STEAP3: variants seen among roughly 807,000 people sequenced by gnomAD.
STEAP3 encodes the protein STEAP3 metalloreductase, also known as metalloreductase STEAP3.
In STEAP3, 35 loss-of-function variants were observed where a neutral mutation model predicts 34.9. The observed-to-expected ratio is 1.00, with a 90% CI of 0.76 to 1.33. The LOEUF (loss-of-function observed/expected upper bound fraction) is 1.33, where lower values mean the gene tolerates loss of function less well. Among genes scored for constraint, STEAP3 ranks in the 40% most tolerant of loss-of-function variants. The pLI is 0.00. For synonymous variants in STEAP3, 281 were observed against 301.6 expected (o/e 0.93, Z 0.71); for missense variants, 652 against 667.6 (o/e 0.98, Z 0.26).
intron 2 of STEAP3, among the ~76,000 whole-genome samples, chr2:119,237,865 T>C (rs1433205826): frequency 1.3e-5 from 2 of 152,248 alleles, no homozygotes; most frequent in Non-Finnish European, 2.9e-5. Context: ...TGGCCACCAC[T>C]AATCTACTTT....
chr2:119,238,120 A>G (rs1352402125), intron 2 of STEAP3, among the ~76,000 whole-genome samples: 1 of 152,190 alleles, frequency 6.6e-6, no homozygotes, highest in Non-Finnish European at 1.5e-5. Context: ...TAATGGGTGA[A>G]AATGTTTTTG....
intron 5 of STEAP3, among the ~76,000 whole-genome samples, chr2:119,260,423 T>A (rs1677909754): frequency 1.3e-5 from 2 of 151,930 alleles, no homozygotes; most frequent in African/African-American, 4.8e-5. Flanking sequence ...AGCGAGTAGC[T>A]GGGATTACAG....
In STEAP3 at chr2:119,225,461, C is replaced by T. The variant is rs373106193; in HGVS notation, c.-394+1573C>T. Among the ~76,000 whole-genome samples the T allele has an allele frequency of 4.1e-4, 63 of 152,358 alleles. No homozygotes were observed. The East Asian group carries it at 8.1e-3, about 20-fold the overall frequency. ...CTTGTCCACCTGGGGGTTGAACAGC[C>T]TGCCCCAGGTTTGCTGAGGTCCCCA... On this transcript the variant is annotated intron_variant, in intron 1 of 5. Coordinates refer to ENST00000393110, the MANE Select transcript of STEAP3 (RefSeq NM_182915.3).
chr2:119,241,794 A>G (rs1280615579), intron 2 of STEAP3, among the ~76,000 whole-genome samples: 1 of 152,176 alleles, frequency 6.6e-6, no homozygotes, highest in African/African-American at 2.4e-5. Context: ...ATCCCTTCCC[A>G]CCTGTGATTA....
chr2:119,234,706 T>C (rs920005686), intron 2 of STEAP3, among the ~76,000 whole-genome samples: 1 of 152,222 alleles, frequency 6.6e-6, no homozygotes, highest in Non-Finnish European at 1.5e-5. Flanking sequence ...TGCATAGAAC[T>C]GCACAGACTG....
intron 2 of STEAP3, 133 bp downstream of exon 2, chr2:119,231,167 A>T: frequency 7.7e-6 from 9 of 1,169,008 alleles, no homozygotes; most frequent in Non-Finnish European, 1.0e-5. Flanking sequence ...GAGGAACTCG[A>T]CACCTCCCAG....
intron 2 of STEAP3, 132 bp downstream of exon 2, chr2:119,231,166 G>C: frequency 1.7e-6 from 2 of 1,171,656 alleles, no homozygotes; most frequent in Non-Finnish European, 2.5e-6. Context: ...CGAGGAACTC[G>C]ACACCTCCCA....
intron 1 of STEAP3, among the ~76,000 whole-genome samples, chr2:119,224,382 G>A (rs1558738618): frequency 6.6e-6 from 1 of 152,216 alleles, no homozygotes; most frequent in Non-Finnish European, 1.5e-5. Flanking sequence ...GCTGGGCAGG[G>A]GCGCCCGACC....
At chr2:119,255,682 C>T (rs1468300977) in intron 5 of STEAP3, among the ~76,000 whole-genome samples, 4 of 151,316 alleles carry the variant, frequency 2.6e-5, no homozygotes, top group Non-Finnish European at 4.4e-5. Context: ...TGAGCTTGAG[C>T]GATTCTTCCA....
chr2:119,248,112 GCTT>G lies in STEAP3; in HGVS notation c.962_964del (p.Phe321del). On this transcript the variant is annotated inframe_deletion, in exon 4 of 6. Transcript: ENST00000393110. ...CACCGCAAGCAGATCGGGCTGCTCA[GCTT>G]CTTCTGCGCCGCCCTGCACGCCCTC... The G allele has an allele frequency of 2.5e-6, 4 of 1,608,700 alleles. No individual in the cohort carries two copies. Among genetic ancestry groups the G allele is most frequent in the South Asian group, 1.1e-5 (1 of 91,076 alleles).
chr2:119,227,323 A>T (rs1015935034), intron 1 of STEAP3, among the ~76,000 whole-genome samples: 9 of 152,196 alleles, frequency 5.9e-5, no homozygotes, highest in Non-Finnish European at 1.3e-4. Flanking sequence ...TTGTCACTTC[A>T]ACCCAGGGGC....
In STEAP3 at chr2:119,254,768, G is replaced by C; in HGVS notation, c.1135G>C (p.Gly379Arg). The change falls in exon 5 of 6, where the codon GGC becomes CGC. Residue 379 changes from glycine (G) to arginine (R), a missense_variant. Gly to Arg is a moderately radical substitution (Grantham distance 125). Transcript: ENST00000393110. Reference protein sequence around the residue: ...IYLSLGVLALGTLSLLAVTSL... With the variant: ...IYLSLGVLALRTLSLLAVTSL... ...CCTCTCCCTGGGAGTGCTGGCCCTC[G>C]GCACGTTGTCCCTGCTGGCCGTGAC... 1 of 1,614,142 alleles carries C rather than the reference G, an allele frequency of 6.2e-7. No individual in the cohort carries two copies.
intron 5 of STEAP3, chr2:119,257,490 A>G: frequency 3.2e-6 from 5 of 1,541,556 alleles, no homozygotes; most frequent in Non-Finnish European, 4.4e-6. Flanking sequence ...AAACACAGGC[A>G]GTGGAACCCG....
chr2:119,245,363 C>G, intron 2 of STEAP3, 126 bp from the exon 3 acceptor site: 2 of 1,375,304 alleles, frequency 1.5e-6, no homozygotes, highest in Non-Finnish European at 2.0e-6. Flanking sequence ...CACGTGGTAG[C>G]ACTCGGTGAA....
chr2:119,253,898 C>G (rs780972379), intron 4 of STEAP3, among the ~76,000 whole-genome samples: 2 of 152,158 alleles, frequency 1.3e-5, no homozygotes, highest in Non-Finnish European at 2.9e-5. Context: ...GCCTGGCACA[C>G]AGTAGGTGCT....
At chr2:119,248,279 C>G in intron 4 of STEAP3, 73 bp downstream of exon 4, 1 of 1,484,854 alleles carries the variant, frequency 6.7e-7, no homozygotes. Flanking sequence ...CCCCCACCAA[C>G]CAGGTGCAGC....
rs879218768 is a variant in STEAP3, at chr2:119,245,968, C to T, written c.502C>T (p.Pro168Ser). 6.2e-7 allele frequency: 1 copy of T among 1,612,852 alleles called. No individual in the cohort carries two copies. Among genetic ancestry groups the T allele is most frequent in the South Asian group, 1.1e-5 (1 of 91,062 alleles). The change falls in exon 3 of 6, where the codon CCA (proline) becomes TCA (serine). Residue 168 changes from proline (P) to serine (S), a missense_variant. Transcript: ENST00000393110. The stretch of plus-strand genomic sequence containing the variant: ...CTCTGCCTGGACCCTGCAGGCTGGC[C>T]CAAGGGATGGTAACAGGCAGGTAGG... ...VISAWTLQAG[P>S]RDGNRQVPIC...
At chr2:119,258,619 T>A (rs1677845984) in intron 5 of STEAP3, among the ~76,000 whole-genome samples, 1 of 109,686 alleles carries the variant, frequency 9.1e-6, no homozygotes, top group African/African-American at 4.2e-5. Flanking sequence ...TTTTTTTTTT[T>A]TTTTTTGAGA....
rs1247013117 is a variant in STEAP3 at position 119,230,833 on chromosome 2, G to A, written c.-180G>A. ...CCAGCCCCTGTGGCCAAGAGCTGGC[G>A]TGCAGGCTGCGGGAGGCAGCTGGCT... On this transcript the variant is annotated 5_prime_UTR_variant, in exon 2 of 6. The change creates a new upstream start codon in the 5' untranslated region. Transcript: ENST00000393110. The A allele has an allele frequency of 1.8e-5, 13 of 736,688 alleles. No homozygotes were observed. Among genetic ancestry groups the A allele is most frequent in the African/African-American group, 1.2e-4 (7 of 58,142 alleles). 45.6% of individuals were successfully genotyped at this position (736,688 alleles called of 1,614,324 possible).
Sources: allele counts gnomAD v4.1 joint callset (sites outside exome capture counted in the v4.1 genomes callset), GRCh38; gene constraint gnomAD v4.1.1; transcripts MANE v1.5; gene names NCBI Gene and HGNC (gene_info 2026-07-23, HGNC 2026-07-21).